Variants in HTT observed in about 807,000 individuals in gnomAD.
The protein encoded by HTT is huntingtin.
A neutral mutation model predicts 362.3 loss-of-function variants in HTT; 104 were observed. That is an observed-to-expected ratio of 0.29 (90% CI 0.24 to 0.34). HTT has a LOEUF of 0.34. Ranked by LOEUF, HTT falls within the 10% of genes least tolerant of loss-of-function variation. HTT has a pLI of 1.00. For synonymous variants in HTT, 1,577 were observed against 1,548.7 expected (o/e 1.02, Z -0.43); for missense variants, 3,301 against 3,928.6 (o/e 0.84, Z 4.27).
intron 38 of HTT, among the ~76,000 whole-genome samples, chr4:3,187,442 G>A (rs1578571844): frequency 3.3e-5 from 5 of 152,340 alleles, no homozygotes; most frequent in African/African-American, 4.8e-5. Flanking sequence ...GGTGGCTCTC[G>A]CACCAAGCCA....
rs1560535143 is a variant in HTT at position 3,074,932 on chromosome 4, AGCAACAG to A, written c.108_114del (p.Gln36HisfsTer63). 4.6e-4 allele frequency: 585 copies of A among 1,283,122 alleles called. 4 individuals are homozygous for A. In the South Asian group the frequency reaches 7.4e-3, roughly 16 times the overall value. The allele number at this position is 1,283,122 out of a possible 1,614,324, so 79.5% of individuals were successfully genotyped here. A position where few individuals can be genotyped will look rare whatever the true frequency, so the allele number is the denominator to read the frequency against. On this transcript the variant is annotated frameshift_variant, in exon 1 of 67. Coordinates refer to ENST00000355072, the MANE Select transcript of HTT (RefSeq NM_001388492.1). LOFTEE classifies it high-confidence loss of function. ...CAGCAGCAGCAGCAGCAGCAGCAGC[AGCAACAG>A]CCGCCACCGCCGCCGCCGCCGCCGC... is the stretch of plus-strand genomic sequence containing the variant.
chr4:3,098,848 A>G (rs1282322138), intron 2 of HTT, among the ~76,000 whole-genome samples: 3 of 152,222 alleles, frequency 2.0e-5, no homozygotes, highest in Non-Finnish European at 4.4e-5. Flanking sequence ...GTAAAAGTAA[A>G]CTTTTGGTAG....
chr4:3,119,771 T>A (rs1715205522), intron 8 of HTT, among the ~76,000 whole-genome samples: 1 of 152,192 alleles, frequency 6.6e-6, no homozygotes, highest in Admixed American at 6.5e-5. Flanking sequence ...GCTGATTTCC[T>A]TATTACATTG....
At chr4:3,109,838 T>C (rs554916519) in intron 6 of HTT, among the ~76,000 whole-genome samples, 1 of 152,172 alleles carries the variant, frequency 6.6e-6, no homozygotes, top group East Asian at 1.9e-4. Flanking sequence ...CACCTACTCA[T>C]AGGCCAGGCC....
At chr4:3,101,663 A>C (rs1036967103) in intron 3 of HTT, among the ~76,000 whole-genome samples, 1 of 152,266 alleles carries the variant, frequency 6.6e-6, no homozygotes, top group Admixed American at 6.5e-5. Context: ...CACATTTTGC[A>C]TGTGGTTTCT....
At position 3,086,970 on chromosome 4, in the gene HTT, C is replaced by T. The variant is rs770370500; in HGVS notation, c.295C>T (p.Arg99Cys). The part of the protein sequence containing the change: ...KKELSATKKD[R>C]VNHCLTICEN... ...AGAACTTTCAGCTACCAAGAAAGAC[C>T]GTGTGAATCATTGTCTGACAATATG... is the stretch of plus-strand genomic sequence containing the variant. The change falls in exon 2 of 67, where the codon CGT (arginine) becomes TGT (cysteine). Residue 99 changes from arginine to cysteine, a missense_variant. By Grantham distance (180) the Arg-to-Cys change is radical. Transcript: ENST00000355072. 12 of 1,606,730 alleles carry T rather than the reference C, an allele frequency of 7.5e-6. No individual in the cohort carries two copies. Among genetic ancestry groups the T allele is most frequent in the South Asian group, 1.1e-5 (1 of 90,668 alleles).
chr4:3,112,965 T>G (rs1235209814), intron 6 of HTT: 1 of 820,274 alleles, frequency 1.2e-6, no homozygotes, highest in Non-Finnish European at 1.5e-6. Flanking sequence ...GGAATCACAT[T>G]ATGATTTTAA....
chr4:3,235,204 G>A (rs543991923), intron 61 of HTT, 80 bp from the exon 62 acceptor site: 10 of 1,030,926 alleles, frequency 9.7e-6, no homozygotes, highest in East Asian at 2.4e-5. Flanking sequence ...CTACACTCCC[G>A]CGTGGGGCCG....
chr4:3,128,773 A>G (rs911956225), intron 12 of HTT: 2 of 152,248 alleles, frequency 1.3e-5, no homozygotes, highest in Non-Finnish European at 2.9e-5. Context: ...GTGGTTAAAT[A>G]TGTGTAACAT....
Position 3,230,161 on chromosome 4 carries a change from A to C in HTT, c.8265+119A>C, listed in dbSNP as rs1486426075. On this transcript the variant is annotated intron_variant, in intron 60 of 66. Transcript: ENST00000355072. ...TGCCTCCTTCCAAGAGTTGACCCGA[A>C]CCGGACTCCACGGCCCACGTGAGCT... 6 of 779,660 alleles carry C rather than the reference A, an allele frequency of 7.7e-6. No individual in the cohort carries two copies. In the Admixed American group the frequency reaches 1.0e-4, roughly 14 times the overall value. 48.3% of individuals were successfully genotyped at this position (779,660 alleles called of 1,614,324 possible). A position where few individuals can be genotyped will look rare whatever the true frequency, so the allele number is the denominator to read the frequency against.
At chr4:3,182,584 G>T in intron 37 of HTT, 114 bp downstream of exon 37, 1 of 703,648 alleles carries the variant, frequency 1.4e-6, no homozygotes. Context: ...TGCCTTGATA[G>T]CAGTTCTCCG....
At chr4:3,082,832 G>GCCT (rs1306382303) in intron 1 of HTT, among the ~76,000 whole-genome samples, 1 of 152,190 alleles carries the variant, frequency 6.6e-6, no homozygotes, top group African/African-American at 2.4e-5. Flanking sequence ...AGGTGAGCCT[G>GCCT]CGGAGAGCTC....
chr4:3,209,213 G>A (rs1720017625), intron 46 of HTT, among the ~76,000 whole-genome samples: 1 of 152,128 alleles, frequency 6.6e-6, no homozygotes, highest in Non-Finnish European at 1.5e-5. Flanking sequence ...TGTCAATGCC[G>A]TTAGCCTCCC....
At chr4:3,075,655 G>A (rs559254666) in intron 1 of HTT, among the ~76,000 whole-genome samples, 1 of 139,630 alleles carries the variant, frequency 7.2e-6, no homozygotes, top group African/African-American at 2.7e-5. Context: ...GGCAGGGGGG[G>A]GGCGGGGAGT....
intron 1 of HTT, among the ~76,000 whole-genome samples, chr4:3,080,352 G>A (rs6836533): frequency 0.046 from 6,995 of 151,158 alleles, 224 homozygotes; most frequent in African/African-American, 0.094. Flanking sequence ...GCCTCAGCCT[G>A]CCAAAGTGCT....
In HTT at chr4:3,074,750, C is replaced by A; in HGVS notation, c.-76C>A. 7 of 1,441,130 alleles carry A rather than the reference C, an allele frequency of 4.9e-6. No individual in the cohort carries two copies. The South Asian group carries it at 8.9e-5, about 18-fold the overall frequency. The allele number at this position is 1,441,130 out of a possible 1,614,324, so 89.3% of individuals were successfully genotyped here. ...TTTACCTGCGGCCCAGAGCCCCATTCATTGCCCCGGTGCTGAGCGGCGCCG... is the reference window on the plus strand; with the variant it reads ...TTTACCTGCGGCCCAGAGCCCCATTAATTGCCCCGGTGCTGAGCGGCGCCG... On this transcript the variant is annotated 5_prime_UTR_variant, in exon 1 of 67. The change creates a premature stop within an existing upstream ORF in the 5' untranslated region. Coordinates refer to ENST00000355072, the MANE Select transcript of HTT (RefSeq NM_001388492.1).
chr4:3,230,285 G>A (rs182314138), intron 60 of HTT, among the ~76,000 whole-genome samples: 21 of 152,178 alleles, frequency 1.4e-4, no homozygotes, highest in East Asian at 1.3e-3. Flanking sequence ...TTGGGGTCCC[G>A]TATCCCTGGG....
chr4:3,212,232 T>TG (rs1560595873), intron 48 of HTT, 90 bp downstream of exon 48: 5 of 993,816 alleles, frequency 5.0e-6, no homozygotes, highest in Non-Finnish European at 5.9e-6. Flanking sequence ...ATAAAGGCAG[T>TG]GGATCTAATA....
At chr4:3,232,941 G>T (rs1332915220) in intron 60 of HTT, among the ~76,000 whole-genome samples, 1 of 152,254 alleles carries the variant, frequency 6.6e-6, no homozygotes, top group Non-Finnish European at 1.5e-5. Context: ...CACACAAGCA[G>T]CTGAGCACAG....
Sources: gnomAD v4.1 joint callset for allele counts (sites outside exome capture counted in the v4.1 genomes callset) on GRCh38, gnomAD v4.1.1 for gene constraint, MANE v1.5 for transcripts, NCBI Gene and HGNC (gene_info 2026-07-23, HGNC 2026-07-21) for gene names.